CAST: variants seen among roughly 807,000 people sequenced by gnomAD.
CAST encodes calpastatin, also known as MIR583 host.
Under a neutral mutation model 119.6 loss-of-function variants are expected in CAST, and 76 were observed. The ratio of observed to expected loss-of-function variants is 0.64; its 90% CI spans 0.53 to 0.77. CAST has a LOEUF of 0.77. Among genes scored for constraint, CAST ranks in the 30% least tolerant of loss-of-function variants. The probability of loss-of-function intolerance (pLI) is 0.00; values close to 1 mark genes in which losing one functional copy is unlikely to be tolerated. For missense variants in CAST, 953 were observed against 946.5 expected (o/e 1.01, Z -0.09); for synonymous variants, 319 against 331.6 (o/e 0.96, Z 0.41).
chr5:96,117,788 C>G, the CAST span, among the ~76,000 whole-genome samples: 2 of 152,134 alleles, frequency 1.3e-5, no homozygotes, highest in Non-Finnish European at 2.9e-5. Context: ...TTGAAAAGGA[C>G]AAACTATTTT....
At chr5:96,133,560 A>G in the CAST span, among the ~76,000 whole-genome samples, 1 of 152,112 alleles carries the variant, frequency 6.6e-6, no homozygotes, top group African/African-American at 2.4e-5. Flanking sequence ...AATGTGTTTC[A>G]TTTTGCTTTA....
chr5:96,325,475 T>A, the CAST span, among the ~76,000 whole-genome samples: 23 of 150,986 alleles, frequency 1.5e-4, no homozygotes, highest in South Asian at 4.2e-4. Flanking sequence ...TATTTATTTA[T>A]TTTATTTATT....
At chr5:96,615,546 T>G (rs546512001) in intron 1 of CAST, among the ~76,000 whole-genome samples, 9 of 152,328 alleles carry the variant, frequency 5.9e-5, no homozygotes, top group African/African-American at 2.2e-4. Context: ...GGGCTGTCCT[T>G]GGCTGAGACG....
the CAST span, among the ~76,000 whole-genome samples, chr5:96,312,855 A>G: frequency 6.6e-6 from 1 of 152,126 alleles, no homozygotes; most frequent in Non-Finnish European, 1.5e-5. Context: ...CATCTAAACC[A>G]TAAAACATAG....
intron 1 of CAST, among the ~76,000 whole-genome samples, chr5:96,643,546 T>C (rs916788990): frequency 6.6e-6 from 1 of 152,018 alleles, no homozygotes; most frequent in Non-Finnish European, 1.5e-5. Flanking sequence ...GAGACCAGTC[T>C]GACCAACATG....
the CAST span, among the ~76,000 whole-genome samples, chr5:96,413,950 T>A: frequency 6.0e-5 from 6 of 100,380 alleles, no homozygotes; most frequent in Admixed American, 2.7e-4. Flanking sequence ...AAACCCTGTC[T>A]CCACTAAAAA....
chr5:96,516,421 GT>G, the CAST span, among the ~76,000 whole-genome samples: 10 of 152,078 alleles, frequency 6.6e-5, no homozygotes, highest in African/African-American at 2.4e-4. Flanking sequence ...TGGCATGTTG[GT>G]TTTTTAATTA....
the CAST span, among the ~76,000 whole-genome samples, chr5:96,309,067 T>TC: frequency 6.6e-6 from 1 of 151,776 alleles, no homozygotes; most frequent in Admixed American, 6.6e-5. Context: ...AGCCACCCCT[T>TC]CCCCCAGATG....
rs895418060 is a variant in CAST at position 96,556,484 on chromosome 5, C to A, written c.60+26604C>A. On this transcript the variant is annotated intron_variant, in intron 1 of 11. Coordinates refer to the CAST transcript ENST00000505143. ...TGAAAAAAATTAGACAAATGGCTAA[C>A]TAGAATAACCAATGCAGAGAAGTCC... is the stretch of plus-strand genomic sequence containing the variant. Among the ~76,000 whole-genome samples the A allele has an allele frequency of 5.3e-5, 8 of 152,132 alleles. No homozygotes were observed. In the East Asian group the frequency reaches 9.6e-4, roughly 18 times the overall value.
chr5:96,030,718 T>G, the CAST span, among the ~76,000 whole-genome samples: 2 of 152,152 alleles, frequency 1.3e-5, no homozygotes, highest in African/African-American at 4.8e-5. Flanking sequence ...AAGAGCTAGA[T>G]GCTATTACCT....
upstream of CAST, chr5:96,662,196 C>G: frequency 4.3e-6 from 2 of 464,132 alleles, no homozygotes; most frequent in Non-Finnish European, 7.3e-6. Flanking sequence ...TGTTAAGTTA[C>G]AGGGCAGGAG....
intron 1 of CAST, among the ~76,000 whole-genome samples, chr5:96,672,563 C>T (rs1167961100): frequency 1.3e-5 from 2 of 151,868 alleles, no homozygotes; most frequent in African/African-American, 4.8e-5. Flanking sequence ...AAAAATTAAT[C>T]GGATGTGGTG....
chr5:96,195,710 T>A, the CAST span, among the ~76,000 whole-genome samples: 5 of 152,172 alleles, frequency 3.3e-5, no homozygotes, highest in African/African-American at 1.2e-4. Flanking sequence ...TAGACCCACA[T>A]AATGAAAAGG....
chr5:96,279,701 T>C, the CAST span, among the ~76,000 whole-genome samples: 8 of 152,214 alleles, frequency 5.3e-5, no homozygotes, highest in Non-Finnish European at 1.0e-4. Flanking sequence ...CTATACATGG[T>C]ATACTTGCAT....
intron 1 of CAST, among the ~76,000 whole-genome samples, chr5:96,564,900 C>T (rs1221301173): frequency 3.3e-5 from 5 of 152,230 alleles, no homozygotes; most frequent in African/African-American, 9.6e-5. Flanking sequence ...CTGAGTGAGA[C>T]CCTGTCTCAA....
chr5:96,710,380 T>C (rs1354542067), intron 3 of CAST, among the ~76,000 whole-genome samples: 1 of 152,190 alleles, frequency 6.6e-6, no homozygotes, highest in Non-Finnish European at 1.5e-5. Flanking sequence ...CTAAAAGTGA[T>C]TCTCCATGTC....
intron 2 of CAST, among the ~76,000 whole-genome samples, chr5:96,694,827 G>A (rs1207820258): frequency 1.3e-5 from 2 of 152,042 alleles, no homozygotes; most frequent in African/African-American, 4.8e-5. Context: ...ACACAAAAAA[G>A]CCCAAGAAGG....
At chr5:96,038,785 G>A in the CAST span, among the ~76,000 whole-genome samples, 1 of 152,098 alleles carries the variant, frequency 6.6e-6, no homozygotes. Flanking sequence ...TGGACATCTG[G>A]GTTGGTTCCA....
At chr5:96,224,886 G>C in the CAST span, among the ~76,000 whole-genome samples, 1 of 152,172 alleles carries the variant, frequency 6.6e-6, no homozygotes, top group Non-Finnish European at 1.5e-5. Flanking sequence ...CAGGATTCAA[G>C]ATTTACTCTG....
Sources: allele counts gnomAD v4.1 joint callset (sites outside exome capture counted in the v4.1 genomes callset), GRCh38; gene constraint gnomAD v4.1.1; transcripts MANE v1.5; gene names NCBI Gene and HGNC (gene_info 2026-07-23, HGNC 2026-07-21).